CSMD3: variants seen among roughly 807,000 people sequenced by gnomAD.
The protein encoded by CSMD3 is CUB and sushi domain-containing protein 3.
A neutral mutation model predicts 435.2 loss-of-function variants in CSMD3; 177 were observed. That is an observed-to-expected ratio of 0.41 (90% CI 0.36 to 0.46). The LOEUF (loss-of-function observed/expected upper bound fraction) is 0.46, where lower values mean the gene tolerates loss of function less well. CSMD3 is among the 20% of genes least tolerant of loss of function. CSMD3 has a pLI of 0.34. For synonymous variants in CSMD3, 1,656 were observed against 1,520.5 expected (o/e 1.09, Z -2.07); for missense variants, 4,265 against 4,504.6 (o/e 0.95, Z 1.52).
intron 45 of CSMD3, among the ~76,000 whole-genome samples, chr8:112,332,223 A>G (rs1397464959): frequency 1.3e-5 from 2 of 152,194 alleles, no homozygotes; most frequent in African/African-American, 4.8e-5. Context: ...ATTGTAATTA[A>G]GTTTTCAAAA....
chr8:112,781,561 C>A, intron 13 of CSMD3, among the ~76,000 whole-genome samples: 1 of 152,130 alleles, frequency 6.6e-6, no homozygotes, highest in Non-Finnish European at 1.5e-5. Flanking sequence ...AACTAAAGAG[C>A]ACTTGGACCT....
intron 1 of CSMD3, among the ~76,000 whole-genome samples, chr8:113,403,977 A>G (rs936562812): frequency 1.3e-5 from 2 of 151,434 alleles, no homozygotes; most frequent in South Asian, 2.1e-4. Context: ...CCAAAAACCA[A>G]CTTAACAAAA....
At chr8:113,290,514 T>C (rs1238155424) in intron 2 of CSMD3, among the ~76,000 whole-genome samples, 1 of 151,668 alleles carries the variant, frequency 6.6e-6, no homozygotes, top group Non-Finnish European at 1.5e-5. Context: ...CTTATAAAAT[T>C]ATCACCACTG....
At chr8:113,274,147 A>C (rs1210884017) in intron 3 of CSMD3, among the ~76,000 whole-genome samples, 1 of 152,090 alleles carries the variant, frequency 6.6e-6, no homozygotes, top group Admixed American at 6.6e-5. Context: ...TAAAAATTTT[A>C]AATGTATAGA....
At chr8:112,304,653 G>A (rs2130775484) in intron 52 of CSMD3, 68 bp downstream of exon 52, 1 of 1,152,260 alleles carries the variant, frequency 8.7e-7, no homozygotes. Flanking sequence ...TTTATGAAAG[G>A]AACTGATTCA....
chr8:112,356,318 T>C (rs11778874), intron 38 of CSMD3, among the ~76,000 whole-genome samples: 65,180 of 151,928 alleles, frequency 0.43, 14,628 homozygotes, highest in Middle Eastern at 0.54. Context: ...TTAAATAATA[T>C]GCAGCCATAA....
intron 28 of CSMD3, among the ~76,000 whole-genome samples, chr8:112,510,608 C>A (rs757729364): frequency 1.2e-4 from 18 of 152,172 alleles, no homozygotes; most frequent in Non-Finnish European, 1.9e-4. Flanking sequence ...CTGCCAATCT[C>A]TGTTGCTTCT....
chr8:112,440,195 G>T (rs1433848087), intron 32 of CSMD3, among the ~76,000 whole-genome samples: 1 of 152,180 alleles, frequency 6.6e-6, no homozygotes, highest in Non-Finnish European at 1.5e-5. Flanking sequence ...CCAAATGGGA[G>T]AAATTGGTCA....
chr8:113,149,967 A>G (rs2091767286), intron 4 of CSMD3, among the ~76,000 whole-genome samples: 1 of 151,990 alleles, frequency 6.6e-6, no homozygotes, highest in Admixed American at 6.6e-5. Flanking sequence ...TCATTATGTG[A>G]GAAAGATTTT....
At chr8:112,927,794 C>G (rs1430178201) in intron 9 of CSMD3, among the ~76,000 whole-genome samples, 2 of 151,960 alleles carry the variant, frequency 1.3e-5, no homozygotes, top group Non-Finnish European at 2.9e-5. Flanking sequence ...TCATCCAAAC[C>G]AAGACTATGT....
intron 13 of CSMD3, among the ~76,000 whole-genome samples, chr8:112,731,932 C>A (rs2077084082): frequency 6.6e-6 from 1 of 152,194 alleles, no homozygotes; most frequent in South Asian, 2.1e-4. Context: ...ATAGGATTTT[C>A]CAGACAGGCA....
chr8:112,882,535 C>G (rs2081477685), intron 10 of CSMD3, among the ~76,000 whole-genome samples: 1 of 151,984 alleles, frequency 6.6e-6, no homozygotes, highest in Non-Finnish European at 1.5e-5. Flanking sequence ...CTTTTCCCCT[C>G]CTTCCCACTC....
chr8:113,305,452 G>C (rs2093812334), intron 2 of CSMD3, among the ~76,000 whole-genome samples: 1 of 152,152 alleles, frequency 6.6e-6, no homozygotes, highest in Admixed American at 6.5e-5. Flanking sequence ...CCGAAAGCAG[G>C]CTAATGGAAG....
chr8:112,342,973 A>ATATATATATATATTTATATATATATATT (rs1160236358), intron 41 of CSMD3, among the ~76,000 whole-genome samples: 1 of 63,314 alleles, frequency 1.6e-5, no homozygotes, highest in South Asian at 5.9e-4. Flanking sequence ...GAAATGTATT[A>ATATATATATATATTTATATATATATATT]TATATATATA....
chr8:112,854,896 A>C (rs1279710637), intron 11 of CSMD3, among the ~76,000 whole-genome samples: 2 of 152,144 alleles, frequency 1.3e-5, no homozygotes, highest in African/African-American at 4.8e-5. Context: ...CACACAGAGC[A>C]ATCCAATAGA....
intron 5 of CSMD3, among the ~76,000 whole-genome samples, chr8:113,073,449 C>T (rs1247913848): frequency 6.6e-6 from 1 of 151,824 alleles, no homozygotes; most frequent in Non-Finnish European, 1.5e-5. Context: ...TTACTGCTCA[C>T]TAGAACTCAT....
intron 59 of CSMD3, among the ~76,000 whole-genome samples, chr8:112,266,521 A>T (rs185223724): frequency 6.6e-6 from 1 of 152,328 alleles, no homozygotes; most frequent in East Asian, 1.9e-4. Flanking sequence ...TTTGAAGATA[A>T]AATTATTAAG....
At chr8:112,638,123 A>G (rs2074712885) in intron 21 of CSMD3, among the ~76,000 whole-genome samples, 1 of 150,598 alleles carries the variant, frequency 6.6e-6, no homozygotes, top group African/African-American at 2.4e-5. Context: ...AGAAGAAAGG[A>G]GTAACTATGT....
At chr8:113,252,790 T>A (rs976260706) in intron 3 of CSMD3, among the ~76,000 whole-genome samples, 2 of 152,140 alleles carry the variant, frequency 1.3e-5, no homozygotes, top group African/African-American at 4.8e-5. Flanking sequence ...ATGAATTTCA[T>A]AAGTAGTGGG....
Sources: allele counts gnomAD v4.1 joint callset (sites outside exome capture counted in the v4.1 genomes callset), GRCh38; gene constraint gnomAD v4.1.1; transcripts MANE v1.5; gene names NCBI Gene and HGNC (gene_info 2026-07-23, HGNC 2026-07-21).